The following NAV2 variants were observed in gnomAD, a reference collection of about 807,000 sequenced individuals.
The protein encoded by NAV2 is helicase, APC down-regulated 1.
NAV2 carries 54 observed loss-of-function variants against 223.2 expected under a neutral mutation model. The observed-to-expected ratio is 0.24, with a 90% confidence interval of 0.19 to 0.30. NAV2 has a LOEUF of 0.30. NAV2 is among the 10% of genes least tolerant of loss of function. The probability of loss-of-function intolerance (pLI) is 1.00; values close to 1 mark genes in which losing one functional copy is unlikely to be tolerated. For synonymous variants in NAV2, 1,279 were observed against 1,239.3 expected, an observed-to-expected ratio of 1.03 and a Z score of -0.67; for missense variants, 2,806 against 3,147.5, an observed-to-expected ratio of 0.89 and a Z score of 2.60.
intron 36 of NAV2, among the ~76,000 whole-genome samples, chr11:20,111,027 C>G (rs2062590989): frequency 6.6e-6 from 1 of 152,178 alleles, no homozygotes; most frequent in South Asian, 2.1e-4. Flanking sequence ...GCCCCTCCCA[C>G]AGGTACACCC....
chr11:19,815,939 C>A (rs2059069390), intron 1 of NAV2, among the ~76,000 whole-genome samples: 1 of 152,140 alleles, frequency 6.6e-6, no homozygotes, highest in African/African-American at 2.4e-5. Context: ...GGCCTTCTTC[C>A]AGGACTTTGG....
chr11:19,599,378 G>T (rs1016951603), intron 1 of NAV2, among the ~76,000 whole-genome samples: 1 of 152,166 alleles, frequency 6.6e-6, no homozygotes, highest in Non-Finnish European at 1.5e-5. Flanking sequence ...CGGCCAACCT[G>T]CGAGGTTGTC....
intron 10 of NAV2, among the ~76,000 whole-genome samples, chr11:19,976,949 A>G (rs1367810000): frequency 6.6e-6 from 1 of 152,200 alleles, no homozygotes; most frequent in African/African-American, 2.4e-5. Flanking sequence ...CACGATGTAC[A>G]TTGAACTCCC....
At chr11:19,853,511 G>A (rs747200157) in intron 3 of NAV2, among the ~76,000 whole-genome samples, 4 of 151,490 alleles carry the variant, frequency 2.6e-5, no homozygotes, top group Non-Finnish European at 5.9e-5. Context: ...TTTTTTTTGT[G>A]TGACTTTTTT....
chr11:19,949,079 G>A lies in NAV2; in HGVS notation c.2644G>A (p.Gly882Arg), dbSNP rs750729361. ...KNIRTDDITS[G>R]YMTDGGLGLY... ...CATCCGGACCGATGACATTACAAGC[G>A]GGTAAGTACCCGGGGCCGCCCTTTC... is the stretch of plus-strand genomic sequence containing the variant. The change falls in exon 10 of 38, where the codon GGA becomes AGA. Residue 882 changes from glycine (G) to arginine (R), a missense_variant and splice_region_variant. Physicochemically the swap from Gly to Arg is moderately radical, Grantham distance 125 (BLOSUM62 -2). Transcript: ENST00000349880. 6.9e-6 allele frequency: 11 copies of A among 1,596,038 alleles called. No individual in the cohort carries two copies. Among genetic ancestry groups the A allele is most frequent in the African/African-American group, 6.7e-5 (5 of 74,602 alleles).
intron 1 of NAV2, among the ~76,000 whole-genome samples, chr11:19,484,129 C>CACACACAT (rs1351293900): frequency 6.7e-6 from 1 of 148,666 alleles, no homozygotes; most frequent in Non-Finnish European, 1.5e-5. Context: ...TGATCACAAA[C>CACACACAT]ACACACACAC....
At chr11:20,015,520 T>C (rs1384501067) in intron 11 of NAV2, among the ~76,000 whole-genome samples, 1 of 152,246 alleles carries the variant, frequency 6.6e-6, no homozygotes, top group East Asian at 1.9e-4. Flanking sequence ...CCCTATAATA[T>C]GTCCTCACAG....
intron 1 of NAV2, among the ~76,000 whole-genome samples, chr11:19,565,628 A>G (rs1052986789): frequency 6.6e-6 from 1 of 152,312 alleles, no homozygotes; most frequent in South Asian, 2.1e-4. Context: ...TGATTTTCCT[A>G]TGGTGATAAA....
intron 1 of NAV2, among the ~76,000 whole-genome samples, chr11:19,801,570 T>G (rs10766595): frequency 0.4 from 61,350 of 152,100 alleles, 15,006 homozygotes; most frequent in Non-Finnish European, 0.55. Context: ...AGTGGAAGTA[T>G]AGGGTCAGGC....
intron 11 of NAV2, chr11:20,022,957 T>A: frequency 7.3e-7 from 1 of 1,370,718 alleles, no homozygotes; most frequent in Non-Finnish European, 9.9e-7. Context: ...TGGTGATCCC[T>A]GCTAGCTAGT....
At chr11:20,023,699 G>GGTGTGTGT (rs374769800) in intron 11 of NAV2, among the ~76,000 whole-genome samples, 7,180 of 144,602 alleles carry the variant, frequency 0.05, 316 homozygotes, top group African/African-American at 0.11. Context: ...CAAATTGCTG[G>GGTGTGTGT]GTGTGTGTGT....
At chr11:19,406,969 G>A (rs1021364684) in intron 1 of NAV2, among the ~76,000 whole-genome samples, 15 of 152,130 alleles carry the variant, frequency 9.9e-5, no homozygotes, top group Admixed American at 2.6e-4. Context: ...CAGGAATTGT[G>A]TTTGGGACCT....
intron 1 of NAV2, among the ~76,000 whole-genome samples, chr11:19,564,020 C>T (rs1013107455): frequency 2.0e-5 from 3 of 152,180 alleles, no homozygotes; most frequent in Non-Finnish European, 4.4e-5. Flanking sequence ...TCTTTAGATA[C>T]ATTCCCTGTC....
intron 1 of NAV2, among the ~76,000 whole-genome samples, chr11:19,765,498 C>T (rs1380509890): frequency 6.6e-6 from 1 of 151,708 alleles, no homozygotes; most frequent in Non-Finnish European, 1.5e-5. Context: ...TCCTTCCAAC[C>T]CTTTAAAACT....
At chr11:19,367,842 C>A (rs1003917018) in intron 1 of NAV2, among the ~76,000 whole-genome samples, 1 of 152,212 alleles carries the variant, frequency 6.6e-6, no homozygotes, top group Non-Finnish European at 1.5e-5. Flanking sequence ...CCAGAAGATG[C>A]ATTAATGGAG....
intron 1 of NAV2, among the ~76,000 whole-genome samples, chr11:19,453,321 G>C (rs963091243): frequency 9.2e-5 from 14 of 152,168 alleles, no homozygotes; most frequent in African/African-American, 2.9e-4. Flanking sequence ...AAGATATGGG[G>C]CCCAAGGAAG....
At chr11:19,360,056 T>C (rs935773093) in intron 1 of NAV2, among the ~76,000 whole-genome samples, 6 of 152,210 alleles carry the variant, frequency 3.9e-5, no homozygotes, top group Non-Finnish European at 7.3e-5. Flanking sequence ...GCTTATCCCA[T>C]CTTGTTGTGC....
At chr11:19,410,492 C>T (rs1850096120) in intron 1 of NAV2, among the ~76,000 whole-genome samples, 1 of 152,146 alleles carries the variant, frequency 6.6e-6, no homozygotes, top group Non-Finnish European at 1.5e-5. Context: ...CTACCTTATC[C>T]AGGGTCACGC....
intron 19 of NAV2, chr11:20,056,595 C>T (rs1451589552): frequency 1.2e-6 from 2 of 1,613,814 alleles, no homozygotes; most frequent in Non-Finnish European, 1.7e-6. Flanking sequence ...TCATTTCTCT[C>T]TTCCTTTGTT....
Sources: allele counts gnomAD v4.1 joint callset (sites outside exome capture counted in the v4.1 genomes callset), GRCh38; gene constraint gnomAD v4.1.1; transcripts MANE v1.5; gene names NCBI Gene and HGNC (gene_info 2026-07-23, HGNC 2026-07-21).